Variants in USP24 observed in about 807,000 individuals in gnomAD.
USP24 encodes ubiquitin specific peptidase 24.
In USP24, 97 loss-of-function variants were observed where a neutral mutation model predicts 361.6. The observed-to-expected ratio is 0.27, with a 90% CI of 0.23 to 0.32. The LOEUF is 0.32. Among genes scored for constraint, USP24 ranks in the 10% least tolerant of loss-of-function variants. The pLI, the probability that USP24 is intolerant of heterozygous loss-of-function variation, is 1.00. For missense variants in USP24, 2,353 were observed against 3,165.6 expected (o/e 0.74, Z 6.16); for synonymous variants, 1,098 against 1,124.6 (o/e 0.98, Z 0.47).
rs1442865887 is a variant in USP24 at position 55,154,134 on chromosome 1, T to G, written c.1797A>C (p.Ile599=). 1.9e-6 allele frequency: 3 copies of G among 1,613,614 alleles called. No individual in the cohort carries two copies. Among genetic ancestry groups the G allele is most frequent in the Admixed American group, 1.7e-5 (1 of 59,984 alleles). Residue 599 remains isoleucine, a synonymous_variant, in exon 15 of 68, where the codon ATA becomes ATC. Transcript: ENST00000294383. ...AIKRSYIIKC[I]EDIKRPGEWS... ...TGAAACCAACCCTCTTAATATCTTC[T>G]ATGCACTTGATGATGTAGCTCCTCT...
intron 38 of USP24, among the ~76,000 whole-genome samples, chr1:55,117,588 C>T (rs796667037): frequency 6.6e-5 from 10 of 151,574 alleles, no homozygotes; most frequent in Middle Eastern, 3.4e-3. Flanking sequence ...ATTAGCCGGG[C>T]GCGGTGGCGG....
In USP24 at chr1:55,073,746, C is replaced by A. The variant is rs573000340; in HGVS notation, c.7526+82G>T. ...GAGTCAGATTCTCCAGGTATCAAAACCGGGCACATGTTCCCCTTCTGCTCA... is the reference window on the plus strand; with the variant it reads ...GAGTCAGATTCTCCAGGTATCAAAAACGGGCACATGTTCCCCTTCTGCTCA... On this transcript the variant is annotated intron_variant, in intron 64 of 67. Coordinates refer to ENST00000294383, the MANE Select transcript of USP24 (RefSeq NM_015306.3). The A allele has an allele frequency of 1.6e-5, 21 of 1,331,094 alleles. No homozygotes were observed. In the East Asian group the frequency reaches 5.3e-4, roughly 33 times the overall value. The allele number at this position is 1,331,094 out of a possible 1,614,324, so 82.5% of individuals were successfully genotyped here. A position where few individuals can be genotyped will look rare whatever the true frequency, so the allele number is the denominator to read the frequency against.
intron 1 of USP24, among the ~76,000 whole-genome samples, chr1:55,200,735 TC>T (rs1644548418): frequency 6.6e-6 from 1 of 152,212 alleles, no homozygotes; most frequent in Non-Finnish European, 1.5e-5. Flanking sequence ...TTTCTCTCTT[TC>T]CTCTCCAGAA....
At chr1:55,086,657 A>G (rs76669016) in intron 55 of USP24, among the ~76,000 whole-genome samples, 1 of 152,268 alleles carries the variant, frequency 6.6e-6, no homozygotes, top group Non-Finnish European at 1.5e-5. Context: ...GTGTGATAAC[A>G]GTAAAGTACT....
At chr1:55,083,924 A>T (rs1485494395) in intron 56 of USP24, 36 bp from the exon 57 acceptor site, 1 of 1,461,802 alleles carries the variant, frequency 6.8e-7, no homozygotes, top group Non-Finnish European at 9.3e-7. Flanking sequence ...ATGAAGAAAA[A>T]GAACGTAAGA....
chr1:55,197,585 A>T (rs375815934), intron 1 of USP24, among the ~76,000 whole-genome samples: 1 of 152,362 alleles, frequency 6.6e-6, no homozygotes, highest in East Asian at 1.9e-4. Context: ...CACTACCTTC[A>T]TAACATCAAA....
intron 38 of USP24, among the ~76,000 whole-genome samples, chr1:55,114,557 A>C (rs1002575606): frequency 6.6e-6 from 1 of 152,210 alleles, no homozygotes; most frequent in Non-Finnish European, 1.5e-5. Flanking sequence ...AGACCAATGG[A>C]ACAGAACAGA....
At chr1:55,204,453 T>C (rs1644654720) in intron 1 of USP24, among the ~76,000 whole-genome samples, 1 of 151,854 alleles carries the variant, frequency 6.6e-6, no homozygotes, top group African/African-American at 2.4e-5. Flanking sequence ...TTCTGTATAT[T>C]CCATGACACT....
At chr1:55,175,083 T>TA (rs1649823419) in intron 3 of USP24, among the ~76,000 whole-genome samples, 2 of 152,008 alleles carry the variant, frequency 1.3e-5, no homozygotes, top group Non-Finnish European at 2.9e-5. Context: ...CTCCATTTTT[T>TA]AAAAAATGAA....
At chr1:55,113,627 C>T (rs982789138) in intron 38 of USP24, among the ~76,000 whole-genome samples, 2 of 152,154 alleles carry the variant, frequency 1.3e-5, no homozygotes, top group African/African-American at 4.8e-5. Context: ...ATGCGAAAAT[C>T]CTCAACGAAA....
At chr1:55,132,503 T>A in intron 31 of USP24, 42 bp downstream of exon 31, 1 of 1,577,578 alleles carries the variant, frequency 6.3e-7, no homozygotes, top group Non-Finnish European at 8.6e-7. Flanking sequence ...TAAATCCAAA[T>A]AGACCTGTCA....
At chr1:55,099,910 A>G (rs1485469593) in intron 44 of USP24, 41 bp from the exon 45 acceptor site, 3 of 1,415,292 alleles carry the variant, frequency 2.1e-6, no homozygotes, top group Non-Finnish European at 2.9e-6. Context: ...GAAAAGTAGC[A>G]ATTTCTGAAT....
chr1:55,106,684 AG>A (rs1222085046), intron 40 of USP24, among the ~76,000 whole-genome samples: 1 of 152,238 alleles, frequency 6.6e-6, no homozygotes, highest in African/African-American at 2.4e-5. Flanking sequence ...TCTCTGGTTA[AG>A]AATCACTCTT....
chr1:55,147,205 C>T (rs1339270712), intron 18 of USP24, 145 bp from the exon 19 acceptor site: 2 of 835,916 alleles, frequency 2.4e-6, no homozygotes, highest in Non-Finnish European at 3.4e-6. Context: ...TATTAGAATT[C>T]TGTTTACAAA....
chr1:55,188,492 C>T (rs1164617918), intron 1 of USP24, among the ~76,000 whole-genome samples: 1 of 150,982 alleles, frequency 6.6e-6, no homozygotes, highest in Non-Finnish European at 1.5e-5. Context: ...AAAAACCTTA[C>T]AACTCAATAA....
chr1:55,090,822 C>T (rs532367314), intron 54 of USP24, among the ~76,000 whole-genome samples: 8 of 152,346 alleles, frequency 5.3e-5, no homozygotes, highest in African/African-American at 1.7e-4. Flanking sequence ...CAGTGGCTCA[C>T]GCCTGTAATC....
At chr1:55,114,661 T>C (rs914007425) in intron 38 of USP24, among the ~76,000 whole-genome samples, 1 of 152,192 alleles carries the variant, frequency 6.6e-6, no homozygotes, top group African/African-American at 2.4e-5. Context: ...CCCTATTTAA[T>C]AAATGTTTTT....
intron 1 of USP24, among the ~76,000 whole-genome samples, chr1:55,189,239 G>T (rs1018469649): frequency 6.6e-6 from 1 of 152,032 alleles, no homozygotes; most frequent in African/African-American, 2.4e-5. Context: ...ACAACCAAAA[G>T]GTTTGGAAAT....
Position 55,153,721 on chromosome 1 carries a change from A to G in USP24, c.1860+149T>C. The G allele has an allele frequency of 7.3e-6, 6 of 821,790 alleles. No individual in the cohort carries two copies. In the South Asian group the frequency reaches 1.1e-4, roughly 16 times the overall value. The allele number at this position is 821,790 out of a possible 1,614,324, so 50.9% of individuals were successfully genotyped here. ...TCCCAAGCTTTAAATAATAAAGCAT[A>G]GGTCATAAACAAATTTTTAGACATC... On this transcript the variant is annotated intron_variant, in intron 16 of 67. Transcript: ENST00000294383.
Sources: gnomAD v4.1 joint callset for allele counts (sites outside exome capture counted in the v4.1 genomes callset) on GRCh38, gnomAD v4.1.1 for gene constraint, MANE v1.5 for transcripts, NCBI Gene and HGNC (gene_info 2026-07-23, HGNC 2026-07-21) for gene names.